KLHL15: variants seen among roughly 807,000 people sequenced by gnomAD.
The protein encoded by KLHL15 is kelch-like protein 15.
KLHL15 carries 1 observed loss-of-function variant against 29.3 expected under a neutral mutation model. The ratio of observed to expected loss-of-function variants is 0.03; its 90% CI spans 0.01 to 0.16. KLHL15 has a LOEUF of 0.16. KLHL15 is among the 10% of genes least tolerant of loss of function. The pLI is 1.00. For missense variants in KLHL15, 215 were observed against 478.5 expected (o/e 0.45, Z 5.14); for synonymous variants, 212 against 184.5 (o/e 1.15, Z -1.21).
chrX:23,994,825 A>C (rs1453859397), intron 3 of KLHL15, among the ~76,000 whole-genome samples: 1 of 111,546 alleles, frequency 9.0e-6, no homozygotes, highest in African/African-American at 3.3e-5. Flanking sequence ...GGTCTGAAAA[A>C]AAATTTTTTT....
chrX:24,013,849 A>T (rs1161761554), intron 2 of KLHL15, among the ~76,000 whole-genome samples: 4 of 110,873 alleles, frequency 3.6e-5, no homozygotes, highest in Non-Finnish European at 5.7e-5. Flanking sequence ...CTCTAAAAAA[A>T]AGTAGTAATA....
chrX:24,015,721 G>A (rs59460066), intron 2 of KLHL15, among the ~76,000 whole-genome samples: 3,149 of 112,525 alleles, frequency 0.028, 116 homozygotes, highest in African/African-American at 0.096. Flanking sequence ...AATCTGGACC[G>A]GACACGGTGG....
At chrX:23,990,213 G>GT (rs1241795334) in intron 3 of KLHL15, among the ~76,000 whole-genome samples, 1 of 111,555 alleles carries the variant, frequency 9.0e-6, no homozygotes, top group Non-Finnish European at 1.9e-5. Flanking sequence ...AAAAATAAGC[G>GT]TAAGATGTGA....
At chrX:24,023,396 T>C (rs1008550601) in intron 2 of KLHL15, among the ~76,000 whole-genome samples, 21 of 112,334 alleles carry the variant, frequency 1.9e-4, no homozygotes, top group Admixed American at 1.0e-3. Flanking sequence ...TCTATTATTT[T>C]GCCTTTTTAC....
chrX:24,005,627 G>T (rs1929430886), intron 3 of KLHL15, among the ~76,000 whole-genome samples: 1 of 111,890 alleles, frequency 8.9e-6, no homozygotes, highest in Non-Finnish European at 1.9e-5. Flanking sequence ...TTTAAAAAGA[G>T]ATCTAGCCTG....
intron 3 of KLHL15, among the ~76,000 whole-genome samples, chrX:24,005,187 A>G (rs1929421695): frequency 8.9e-6 from 1 of 112,109 alleles, no homozygotes; most frequent in Admixed American, 9.6e-5. Context: ...AAAGTGCTCT[A>G]TGACCTTTGG....
rs770863915 is a variant in KLHL15 at position 24,016,288 on chromosome X, C to G, written c.-8+8569G>C. On this transcript the variant is annotated intron_variant, in intron 2 of 3. Coordinates refer to ENST00000328046, the MANE Select transcript of KLHL15 (RefSeq NM_030624.3). ...CTGGAAGGCAGAGCTTGCAGTGAGC[C>G]GAGATGGTGCCACTGCACTCCAGCC... Among the ~76,000 whole-genome samples, 113 of 85,487 alleles carry G rather than the reference C, an allele frequency of 1.3e-3. 1 individual carries two copies. Among genetic ancestry groups the G allele is most frequent in the African/African-American group, 5.1e-3 (110 of 21,622 alleles). 74.2% of individuals were successfully genotyped at this position (85,487 alleles called of 115,157 possible). A position where few individuals can be genotyped will look rare whatever the true frequency, so the allele number is the denominator to read the frequency against.
At chrX:24,023,598 A>G (rs1318382800) in intron 2 of KLHL15, among the ~76,000 whole-genome samples, 1 of 112,049 alleles carries the variant, frequency 8.9e-6, no homozygotes, top group Non-Finnish European at 1.9e-5. Context: ...AGTAAAAATG[A>G]TCAATACTAA....
chrX:23,989,212 A>G (rs745766832), intron 3 of KLHL15, among the ~76,000 whole-genome samples, 182 bp from the exon 4 acceptor site: 1 of 102,588 alleles, frequency 9.7e-6, no homozygotes, highest in South Asian at 4.3e-4. Context: ...TTTTTTGGAG[A>G]TGGAGTCTCA....
At chrX:24,020,025 G>T (rs532803196) in intron 2 of KLHL15, among the ~76,000 whole-genome samples, 4 of 112,193 alleles carry the variant, frequency 3.6e-5, no homozygotes, top group African/African-American at 1.3e-4. Flanking sequence ...CTCAGAGGTT[G>T]ATATAATATA....
chrX:23,996,352 G>C (rs995530687), intron 3 of KLHL15, among the ~76,000 whole-genome samples: 1 of 112,029 alleles, frequency 8.9e-6, no homozygotes, highest in Non-Finnish European at 1.9e-5. Context: ...AGTTACTATC[G>C]TGGTGCTTTA....
chrX:24,008,881 A>AAC (rs1459238454), intron 2 of KLHL15, among the ~76,000 whole-genome samples: 11 of 101,932 alleles, frequency 1.1e-4, no homozygotes, highest in African/African-American at 3.8e-4. Flanking sequence ...GAAAAAAAAA[A>AAC]AACAAAACAA....
chrX:24,023,248 G>C (rs1168759016), intron 2 of KLHL15, among the ~76,000 whole-genome samples: 1 of 111,465 alleles, frequency 9.0e-6, no homozygotes, highest in Non-Finnish European at 1.9e-5. Context: ...ACTCGAGGTA[G>C]AGAGAAGGTC....
chrX:24,008,879 A>AAC lies in KLHL15; in HGVS notation c.-7-2180_-7-2179insGT, dbSNP rs1555977245. The stretch of plus-strand genomic sequence containing the variant: ...TACTCCCACGCGTGTTAGAAAAAAA[A>AAC]AAAACAAAACAAAAAAAAAACTTTT... On this transcript the variant is annotated intron_variant, in intron 2 of 3. Transcript: ENST00000328046. 9.3e-5 allele frequency among the ~76,000 whole-genome samples: 8 copies of AAC among 86,106 alleles called. No individual in the cohort carries two copies. The South Asian group carries it at 1.6e-3, about 18-fold the overall frequency. 74.8% of individuals were successfully genotyped at this position (86,106 alleles called of 115,157 possible). A position where few individuals can be genotyped will look rare whatever the true frequency, so the allele number is the denominator to read the frequency against.
intron 3 of KLHL15, among the ~76,000 whole-genome samples, chrX:23,989,579 G>A (rs1202358278): frequency 4.5e-5 from 5 of 111,547 alleles, no homozygotes; most frequent in Non-Finnish European, 5.6e-5. Context: ...TACAAGTAGC[G>A]GGTATGAGGA....
chrX:24,002,046 T>C (rs1379790586), intron 3 of KLHL15, among the ~76,000 whole-genome samples: 2 of 108,689 alleles, frequency 1.8e-5, no homozygotes, highest in Non-Finnish European at 3.8e-5. Flanking sequence ...GGCAGGAGAA[T>C]GGCGTGAACC....
intron 1 of KLHL15, among the ~76,000 whole-genome samples, chrX:24,026,582 G>A (rs145153276): frequency 2.8e-5 from 1 of 35,658 alleles, no homozygotes; most frequent in African/African-American, 1.0e-4. Context: ...CCCACCCCCC[G>A]CCGCCATTTT....
chrX:24,003,887 C>A (rs779109046), intron 3 of KLHL15, among the ~76,000 whole-genome samples: 1 of 106,545 alleles, frequency 9.4e-6, no homozygotes, highest in African/African-American at 3.4e-5. Flanking sequence ...CAGCTCAAGA[C>A]CAGCCTGGAC....
At position 24,000,779 on chromosome X, in the gene KLHL15, A is replaced by C. The variant is rs1929297542; in HGVS notation, c.705+5210T>G. 2.7e-5 allele frequency among the ~76,000 whole-genome samples: 3 copies of C among 112,486 alleles called. No individual in the cohort carries two copies. The Admixed American group carries it at 2.8e-4, about 11-fold the overall frequency. On this transcript the variant is annotated intron_variant, in intron 3 of 3. Coordinates refer to ENST00000328046, the MANE Select transcript of KLHL15 (RefSeq NM_030624.3). Reference sequence around the variant, plus strand: ...CATGTTCCAATGCCTAAGTGAAGGAATTCTGGAGGGGCATACAGCACCTAC... The same window carrying C: ...CATGTTCCAATGCCTAAGTGAAGGACTTCTGGAGGGGCATACAGCACCTAC...
Sources: allele counts gnomAD v4.1 joint callset (sites outside exome capture counted in the v4.1 genomes callset), GRCh38; gene constraint gnomAD v4.1.1; transcripts MANE v1.5; gene names NCBI Gene and HGNC (gene_info 2026-07-23, HGNC 2026-07-21).